The following SH3RF3 variants were observed in gnomAD, a reference collection of about 807,000 sequenced individuals.
SH3RF3 encodes the protein SH3 domain containing ring finger 3.
A neutral mutation model predicts 66.3 loss-of-function variants in SH3RF3; 29 were observed. The observed-to-expected ratio is 0.44, with a 90% CI of 0.33 to 0.60. SH3RF3 has a LOEUF of 0.60. Ranked by LOEUF, SH3RF3 falls within the 20% of genes least tolerant of loss-of-function variation. The pLI is 0.04. For missense variants in SH3RF3, 1,194 were observed against 1,190.9 expected, an observed-to-expected ratio of 1.00 and a Z score of -0.04; for synonymous variants, 583 against 532.0, an observed-to-expected ratio of 1.10 and a Z score of -1.32.
intron 1 of SH3RF3, among the ~76,000 whole-genome samples, chr2:109,199,330 A>ATAAAATAAATAAAATAAATAAAATAAAT (rs1558953522): frequency 3.3e-5 from 5 of 150,472 alleles, no homozygotes; most frequent in African/African-American, 1.2e-4. Context: ...TCAAAAAGTA[A>ATAAAATAAATAAAATAAATAAAATAAAT]AATGGAATGG....
At chr2:109,319,954 A>G (rs575474305) in intron 1 of SH3RF3, among the ~76,000 whole-genome samples, 7 of 152,308 alleles carry the variant, frequency 4.6e-5, no homozygotes, top group African/African-American at 1.4e-4. Flanking sequence ...AGCTGCTGTG[A>G]GAAGTAAGAG....
chr2:109,471,319 C>A (rs1678502135), intron 8 of SH3RF3, among the ~76,000 whole-genome samples: 2 of 150,548 alleles, frequency 1.3e-5, no homozygotes, highest in Admixed American at 6.6e-5. Flanking sequence ...AGGAAACTTA[C>A]AATCATGGCG....
chr2:109,298,024 G>A (rs1681362621), intron 1 of SH3RF3, among the ~76,000 whole-genome samples: 2 of 152,188 alleles, frequency 1.3e-5, no homozygotes, highest in South Asian at 2.1e-4. Context: ...TGAGGCTGGT[G>A]TGTGGTGCAG....
intron 1 of SH3RF3, among the ~76,000 whole-genome samples, chr2:109,323,111 G>A (rs1307633604): frequency 1.3e-5 from 2 of 152,162 alleles, no homozygotes; most frequent in African/African-American, 2.4e-5. Flanking sequence ...CACTGTGCCC[G>A]GGCTCCCAGC....
chr2:109,206,036 C>T (rs770141082), intron 1 of SH3RF3, among the ~76,000 whole-genome samples: 1 of 152,236 alleles, frequency 6.6e-6, no homozygotes, highest in Non-Finnish European at 1.5e-5. Context: ...TGAACTGTCA[C>T]TTGTACCCTG....
At chr2:109,234,238 G>C (rs1679588852) in intron 1 of SH3RF3, among the ~76,000 whole-genome samples, 1 of 152,154 alleles carries the variant, frequency 6.6e-6, no homozygotes, top group Non-Finnish European at 1.5e-5. Context: ...TTTCTGAATG[G>C]ACTAGATTCT....
At position 109,212,008 on chromosome 2, in the gene SH3RF3, G is replaced by A. The variant is rs1678994452; in HGVS notation, c.573+81895G>A. 2.6e-5 allele frequency among the ~76,000 whole-genome samples: 4 copies of A among 152,220 alleles called. No individual in the cohort carries two copies. The South Asian group carries it at 8.3e-4, about 31-fold the overall frequency. ...GTGAATGCCACTGAATTCAATAAAT[G>A]ACTGATTGAGCACCTGCATTGGTGT... On this transcript the variant is annotated intron_variant, in intron 1 of 9. Coordinates refer to ENST00000309415, the MANE Select transcript of SH3RF3 (RefSeq NM_001099289.3).
chr2:109,227,800 C>T (rs550728749), intron 1 of SH3RF3, among the ~76,000 whole-genome samples: 2 of 152,360 alleles, frequency 1.3e-5, no homozygotes, highest in South Asian at 4.1e-4. Flanking sequence ...CTGGAGTCAA[C>T]ACTTCCTTTC....
intron 1 of SH3RF3, among the ~76,000 whole-genome samples, chr2:109,341,672 C>T (rs191810849): frequency 1.1e-3 from 169 of 152,328 alleles, no homozygotes; most frequent in Admixed American, 1.2e-3. Flanking sequence ...GTTTCTTCCC[C>T]CTTTGCTCTG....
chr2:109,166,338 G>A (rs1444981939), intron 1 of SH3RF3, among the ~76,000 whole-genome samples: 2 of 152,052 alleles, frequency 1.3e-5, no homozygotes, highest in Non-Finnish European at 2.9e-5. Flanking sequence ...TTAGCCGAGT[G>A]TGGTGGTGTG....
At chr2:109,341,038 A>G (rs1459260710) in intron 1 of SH3RF3, among the ~76,000 whole-genome samples, 1 of 152,206 alleles carries the variant, frequency 6.6e-6, no homozygotes, top group African/African-American at 2.4e-5. Flanking sequence ...TGGCCTCGTC[A>G]CCCTGTGTTT....
rs1681986861 is a variant in SH3RF3, at chr2:109,320,161, C to G, written c.574-27513C>G. ...GAAGCAACACAACTCTTCTCTCACC[C>G]CAGTTCTCATGGCCGTCACAGCCCT... On this transcript the variant is annotated intron_variant, in intron 1 of 9. Coordinates refer to ENST00000309415, the MANE Select transcript of SH3RF3 (RefSeq NM_001099289.3). Among the ~76,000 whole-genome samples the G allele has an allele frequency of 2.6e-5, 4 of 152,176 alleles. No individual in the cohort carries two copies. The South Asian group carries it at 8.3e-4, about 31-fold the overall frequency.
intron 4 of SH3RF3, among the ~76,000 whole-genome samples, chr2:109,418,480 G>A (rs1185127637): frequency 6.6e-6 from 1 of 152,050 alleles, no homozygotes; most frequent in Non-Finnish European, 1.5e-5. Flanking sequence ...GTGGCTGCCG[G>A]CATCCTCAGC....
At chr2:109,370,190 G>GGTCTCTGTCTCT (rs10625245) in intron 2 of SH3RF3, among the ~76,000 whole-genome samples, 1,743 of 147,326 alleles carry the variant, frequency 0.012, 53 homozygotes, top group Admixed American at 0.057. Flanking sequence ...TTGCTGTGGT[G>GGTCTCTGTCTCT]GTCTCTGTCT....
intron 8 of SH3RF3, among the ~76,000 whole-genome samples, chr2:109,487,957 C>G (rs541358535): frequency 1.3e-5 from 2 of 152,334 alleles, no homozygotes; most frequent in African/African-American, 4.8e-5. Context: ...GGAGCCTAGA[C>G]GGGGATGAAC....
chr2:109,162,297 G>A (rs1677507310), intron 1 of SH3RF3, among the ~76,000 whole-genome samples: 1 of 152,210 alleles, frequency 6.6e-6, no homozygotes, highest in Non-Finnish European at 1.5e-5. Context: ...AAAGGCGCTG[G>A]TGTAAATACA....
intron 5 of SH3RF3, among the ~76,000 whole-genome samples, chr2:109,427,184 G>T (rs925295283): frequency 4.6e-5 from 7 of 151,990 alleles, no homozygotes; most frequent in Admixed American, 4.6e-4. Context: ...GTCCCAGCTG[G>T]TCTCAAACTC....
chr2:109,349,236 G>A (rs1682788285), intron 2 of SH3RF3, among the ~76,000 whole-genome samples: 1 of 152,186 alleles, frequency 6.6e-6, no homozygotes, highest in Admixed American at 6.5e-5. Flanking sequence ...GGCATGTCCT[G>A]CGTACAGCTG....
intron 8 of SH3RF3, among the ~76,000 whole-genome samples, chr2:109,476,310 A>G (rs1310349722): frequency 6.6e-6 from 1 of 152,140 alleles, no homozygotes; most frequent in Non-Finnish European, 1.5e-5. Context: ...GTGAAGATCA[A>G]ATGAGATCAT....
Sources: gnomAD v4.1 joint callset for allele counts (sites outside exome capture counted in the v4.1 genomes callset) on GRCh38, gnomAD v4.1.1 for gene constraint, MANE v1.5 for transcripts, NCBI Gene and HGNC (gene_info 2026-07-23, HGNC 2026-07-21) for gene names.